The following TVP23A variants were observed in gnomAD, a reference collection of about 807,000 sequenced individuals.
TVP23A encodes the protein Golgi apparatus membrane protein TVP23 homolog A.
In TVP23A, 21 loss-of-function variants were observed where a neutral mutation model predicts 31.7. The ratio of observed to expected loss-of-function variants is 0.66; its 90% CI spans 0.47 to 0.95. TVP23A has a LOEUF of 0.95. Among genes scored for constraint, TVP23A ranks in the 40% least tolerant of loss-of-function variants. The probability of loss-of-function intolerance (pLI) is 0.00; values close to 1 mark genes in which losing one functional copy is unlikely to be tolerated. For missense variants in TVP23A, 279 were observed against 255.6 expected (o/e 1.09, Z -0.62); for synonymous variants, 104 against 96.0 (o/e 1.08, Z -0.49).
chr16:10,791,686 C>A (rs2033111626), intron 2 of TVP23A, among the ~76,000 whole-genome samples: 1 of 152,196 alleles, frequency 6.6e-6, no homozygotes, highest in Non-Finnish European at 1.5e-5. Context: ...TGGCTCACTG[C>A]AACCTCCGCC....
At chr16:10,785,769 G>A (rs140753152) in intron 2 of TVP23A, among the ~76,000 whole-genome samples, 1 of 152,312 alleles carries the variant, frequency 6.6e-6, no homozygotes, top group East Asian at 1.9e-4. Flanking sequence ...TCAGATCTAT[G>A]TGATTGTACT....
chr16:10,795,327 T>A (rs2142993423), intron 2 of TVP23A, among the ~76,000 whole-genome samples: 1 of 151,866 alleles, frequency 6.6e-6, no homozygotes, highest in South Asian at 2.1e-4. Flanking sequence ...CTTGGCTAAC[T>A]GCAACCTCCA....
chr16:10,773,909 G>T, intron 4 of TVP23A, 130 bp downstream of exon 4: 1 of 728,018 alleles, frequency 1.4e-6, no homozygotes, highest in South Asian at 1.8e-5. Context: ...TGTTTCACCA[G>T]AGCACCTTGG....
chr16:10,774,606 C>CTTTT (rs397713093), intron 3 of TVP23A, among the ~76,000 whole-genome samples: 3 of 130,248 alleles, frequency 2.3e-5, no homozygotes, highest in Non-Finnish European at 4.9e-5. Flanking sequence ...CATTCTCTCT[C>CTTTT]TTTTTTTTTT....
downstream of TVP23A, chr16:10,763,462 C>T (rs1038657102): frequency 1.1e-4 from 16 of 152,274 alleles, no homozygotes; most frequent in African/African-American, 3.6e-4. Flanking sequence ...CTTATTCCCA[C>T]ATCCCACAAT....
intron 2 of TVP23A, among the ~76,000 whole-genome samples, chr16:10,788,096 A>C (rs778209335): frequency 6.6e-6 from 1 of 152,072 alleles, no homozygotes; most frequent in Non-Finnish European, 1.5e-5. Flanking sequence ...CAATCAATAC[A>C]TGCAAGATGT....
chr16:10,817,180 T>C (rs376379326), intron 2 of TVP23A, among the ~76,000 whole-genome samples: 2 of 152,244 alleles, frequency 1.3e-5, no homozygotes, highest in African/African-American at 4.8e-5. Flanking sequence ...CCTCCAGAAC[T>C]GCAGGAGAAT....
In TVP23A at chr16:10,761,670, T is replaced by G. The variant is rs545110621; in HGVS notation, c.*207-102A>C. On this transcript the variant is annotated intron_variant and NMD_transcript_variant, in intron 8 of 8. Coordinates refer to the TVP23A transcript ENST00000456096. ...TTCCACATTCAAACTAAGCCTTTTTTTTTTTTTTAAGTTTCTTTAAAATGT... is the reference window on the plus strand; with the variant it reads ...TTCCACATTCAAACTAAGCCTTTTTGTTTTTTTTAAGTTTCTTTAAAATGT... The G allele has an allele frequency of 1.5e-5, 18 of 1,170,272 alleles. No individual in the cohort carries two copies. The Admixed American group carries it at 2.2e-4, about 14-fold the overall frequency. The allele number at this position is 1,170,272 out of a possible 1,614,324, so 72.5% of individuals were successfully genotyped here. A position where few individuals can be genotyped will look rare whatever the true frequency, so the allele number is the denominator to read the frequency against.
At chr16:10,809,302 CCTGGG>C (rs2034087864) in intron 2 of TVP23A, among the ~76,000 whole-genome samples, 1 of 152,064 alleles carries the variant, frequency 6.6e-6, no homozygotes, top group Non-Finnish European at 1.5e-5. Flanking sequence ...TAACATCGGG[CCTGGG>C]CTGATGGGGG....
chr16:10,789,509 A>G (rs2032970474), intron 2 of TVP23A, among the ~76,000 whole-genome samples: 1 of 151,964 alleles, frequency 6.6e-6, no homozygotes, highest in African/African-American at 2.4e-5. Context: ...TTTGGGAGAT[A>G]TGAGACATCA....
intron 2 of TVP23A, among the ~76,000 whole-genome samples, chr16:10,803,359 C>G (rs2142998830): frequency 6.6e-6 from 1 of 151,252 alleles, no homozygotes; most frequent in East Asian, 1.9e-4. Flanking sequence ...GAGCTTAGAG[C>G]AACAACAACA....
intron 2 of TVP23A, chr16:10,775,454 T>C (rs1433171606): frequency 9.4e-7 from 1 of 1,068,420 alleles, no homozygotes; most frequent in Non-Finnish European, 1.1e-6. Flanking sequence ...TCCCTAAAGG[T>C]AAAGGTTGGG....
intron 2 of TVP23A, among the ~76,000 whole-genome samples, chr16:10,815,045 T>C (rs2143008965): frequency 6.6e-6 from 1 of 152,218 alleles, no homozygotes; most frequent in South Asian, 2.1e-4. Context: ...AGCTGGTACC[T>C]CCTTCTCTGG....
At chr16:10,758,913 T>G (rs1900754390), downstream of TVP23A, among the ~76,000 whole-genome samples, 2 of 152,134 alleles carry the variant, frequency 1.3e-5, no homozygotes, top group African/African-American at 4.8e-5. Context: ...GATAGGAAGT[T>G]TCCTCTCTGT....
At chr16:10,807,293 C>A (rs1477681772) in intron 2 of TVP23A, among the ~76,000 whole-genome samples, 18 of 152,036 alleles carry the variant, frequency 1.2e-4, no homozygotes, top group Admixed American at 8.5e-4. Context: ...TGAGTGCCCA[C>A]CAAGGTGTCA....
chr16:10,804,257 C>A (rs993269678), intron 2 of TVP23A, among the ~76,000 whole-genome samples: 3 of 152,158 alleles, frequency 2.0e-5, no homozygotes, highest in Non-Finnish European at 4.4e-5. Context: ...CCTCTTGGGC[C>A]CCTGGAAAAT....
chr16:10,761,914 C>T (rs573623584), downstream of TVP23A: 36 of 1,405,376 alleles, frequency 2.6e-5, no homozygotes, highest in African/African-American at 1.6e-4. Context: ...CCCACAGGCA[C>T]GGGTCGGGCA....
chr16:10,774,554 A>G (rs967262116), intron 3 of TVP23A, among the ~76,000 whole-genome samples: 6 of 149,290 alleles, frequency 4.0e-5, no homozygotes, highest in Admixed American at 4.0e-4. Context: ...GTGCCACGAG[A>G]TCTGATGGTT....
Position 10,777,386 on chromosome 16 carries a change from T to A in TVP23A, c.90-2290A>T, listed in dbSNP as rs567494534. ...GAGCAGTGAGCTTGCAACCTCTGGA[T>A]TAGGTTACAAAATGTTGTGGGCTTT... On this transcript the variant is annotated intron_variant, in intron 2 of 7. Transcript: ENST00000299866. The surrounding 1 kb of genome is among the most constrained non-coding windows in gnomAD (Gnocchi z 4.5). Among the ~76,000 whole-genome samples, 2 of 152,150 alleles carry A rather than the reference T, an allele frequency of 1.3e-5. No individual in the cohort carries two copies. Among genetic ancestry groups the A allele is most frequent in the South Asian group, 4.1e-4 (2 of 4,828 alleles).
Sources: gnomAD v4.1 joint callset for allele counts (sites outside exome capture counted in the v4.1 genomes callset) on GRCh38, gnomAD v4.1.1 for gene constraint, Gnocchi (gnomAD v3.1) non-coding constraint, MANE v1.5 for transcripts, NCBI Gene and HGNC (gene_info 2026-07-23, HGNC 2026-07-21) for gene names.